Variants in CHRM5 observed in about 807,000 individuals in gnomAD.
The protein encoded by CHRM5 is muscarinic acetylcholine receptor M5.
CHRM5 carries 18 observed loss-of-function variants against 39.0 expected under a neutral mutation model. The observed-to-expected ratio is 0.46, with a 90% CI of 0.32 to 0.68. CHRM5 has a LOEUF of 0.68. Among genes scored for constraint, CHRM5 ranks in the 30% least tolerant of loss-of-function variants. CHRM5 has a pLI of 0.04. For synonymous variants in CHRM5, 241 were observed against 246.3 expected (o/e 0.98, Z 0.20); for missense variants, 515 against 651.1 (o/e 0.79, Z 2.28).
chr15:34,017,484 G>GTTTTTTTTTTTTTTTT (rs60119659), intron 1 of CHRM5, among the ~76,000 whole-genome samples: 2 of 107,340 alleles, frequency 1.9e-5, no homozygotes, highest in African/African-American at 6.3e-5. Flanking sequence ...TTTTTTTTTT[G>GTTTTTTTTTTTTTTTT]TTTTTTTTTT....
intron 1 of CHRM5, among the ~76,000 whole-genome samples, chr15:34,029,022 T>C (rs1898633467): frequency 6.6e-6 from 1 of 152,188 alleles, no homozygotes; most frequent in African/African-American, 2.4e-5. Flanking sequence ...ACAATTACTA[T>C]TTGTCCACAA....
chr15:34,053,311 A>ATAT (rs1900003279), intron 2 of CHRM5, among the ~76,000 whole-genome samples: 1 of 97,186 alleles, frequency 1.0e-5, no homozygotes, highest in African/African-American at 4.2e-5. Flanking sequence ...AAAAAAAAAA[A>ATAT]AAAAAAAAAT....
chr15:34,009,703 T>C (rs1289238739), intron 1 of CHRM5, among the ~76,000 whole-genome samples: 1 of 152,082 alleles, frequency 6.6e-6, no homozygotes, highest in Non-Finnish European at 1.5e-5. Flanking sequence ...GATATAACAA[T>C]AGGGCCAGGC....
chr15:34,034,614 AT>A (rs1440990488), intron 1 of CHRM5, among the ~76,000 whole-genome samples: 1 of 152,160 alleles, frequency 6.6e-6, no homozygotes, highest in African/African-American at 2.4e-5. Context: ...GTTTCCCAAA[AT>A]TTTTTTAGGC....
intron 2 of CHRM5, among the ~76,000 whole-genome samples, chr15:34,049,450 A>G (rs1188205449): frequency 6.6e-6 from 1 of 152,228 alleles, no homozygotes; most frequent in Non-Finnish European, 1.5e-5. Flanking sequence ...GGAAAAAAGA[A>G]TCGCAGAGTT....
At chr15:34,058,471 G>GGA (rs544211557) in intron 2 of CHRM5, among the ~76,000 whole-genome samples, 34 of 150,532 alleles carry the variant, frequency 2.3e-4, no homozygotes, top group Non-Finnish European at 4.7e-4. Context: ...TGAGAAATCA[G>GGA]GAGAGAGAGA....
intron 1 of CHRM5, among the ~76,000 whole-genome samples, chr15:34,004,636 C>T (rs891306161): frequency 2.0e-5 from 3 of 152,164 alleles, no homozygotes; most frequent in Admixed American, 1.3e-4. Context: ...AAACACTGAA[C>T]TCTTTATGGA....
chr15:34,039,712 G>A (rs577475790), intron 1 of CHRM5, among the ~76,000 whole-genome samples: 1 of 152,308 alleles, frequency 6.6e-6, no homozygotes, highest in South Asian at 2.1e-4. Flanking sequence ...CAGAATTTCT[G>A]TAGAAATGAC....
intron 1 of CHRM5, among the ~76,000 whole-genome samples, chr15:34,029,428 C>T (rs367803504): frequency 3.3e-5 from 5 of 149,906 alleles, no homozygotes; most frequent in African/African-American, 1.2e-4. Context: ...TGCCTGTAAT[C>T]CCAGCACTTT....
chr15:33,993,990 T>C (rs1456008321), intron 1 of CHRM5, among the ~76,000 whole-genome samples: 5 of 152,238 alleles, frequency 3.3e-5, no homozygotes, highest in Admixed American at 2.0e-4. Context: ...GTTGCTTCCA[T>C]CTGAGGCTCT....
At chr15:34,047,032 C>G (rs955247460) in intron 2 of CHRM5, among the ~76,000 whole-genome samples, 161 bp downstream of exon 2, 3 of 151,978 alleles carry the variant, frequency 2.0e-5, no homozygotes, top group Non-Finnish European at 4.4e-5. Flanking sequence ...CAGGCACAAA[C>G]AGAGACCTAG....
Position 34,003,174 on chromosome 15 carries a change from T to C in CHRM5, c.-408+34024T>C, listed in dbSNP as rs1259951154. The C allele has an allele frequency of 6.2e-6, 10 of 1,613,826 alleles. No homozygotes were observed. In the South Asian group the frequency reaches 9.9e-5, roughly 16 times the overall value. ...AATAATTTCCCTGTTCATCATTCTC[T>C]TCTCCATAGGTCTCTGCATCGCTGT... On this transcript the variant is annotated intron_variant, in intron 1 of 2. Coordinates refer to ENST00000383263, the MANE Select transcript of CHRM5 (RefSeq NM_012125.4).
intron 1 of CHRM5, among the ~76,000 whole-genome samples, chr15:34,034,359 T>C (rs912386608): frequency 2.0e-5 from 3 of 151,748 alleles, no homozygotes; most frequent in East Asian, 3.9e-4. Flanking sequence ...GAGGATCCCT[T>C]GAGTACAGCA....
At chr15:34,013,743 A>G (rs1245846313) in intron 1 of CHRM5, among the ~76,000 whole-genome samples, 1 of 152,112 alleles carries the variant, frequency 6.6e-6, no homozygotes, top group Non-Finnish European at 1.5e-5. Flanking sequence ...CCAATGGGGG[A>G]GAAGGGGGAA....
intron 1 of CHRM5, chr15:33,991,000 C>A (rs189745325): frequency 3.3e-5 from 5 of 152,242 alleles, no homozygotes; most frequent in Admixed American, 2.6e-4. Context: ...GTCCCTCTGG[C>A]AACTGATGAG....
Position 34,063,446 on chromosome 15 carries a change from G to A in CHRM5, c.729G>A (p.Lys243=). ...SDSVTKAEKR[K]PAHRALFRSC... is the part of the protein sequence containing the mutation. ...CTGTGACCAAAGCTGAGAAGAGAAA[G>A]CCAGCTCATAGGGCTCTGTTCAGAT... Residue 243 remains lysine (K), a synonymous_variant, in exon 3 of 3, where the codon AAG becomes AAA. Coordinates refer to ENST00000383263, the MANE Select transcript of CHRM5 (RefSeq NM_012125.4). The surrounding 1 kb of genome is among the most constrained non-coding windows in gnomAD (Gnocchi z 4.1). 2 of 1,613,826 alleles carry A rather than the reference G, an allele frequency of 1.2e-6. No homozygotes were observed. The highest frequency in any genetic ancestry group is 1.3e-5 in the African/African-American group (1 of 75,044).
intron 1 of CHRM5, among the ~76,000 whole-genome samples, chr15:33,980,950 T>G (rs1175785641): frequency 6.6e-6 from 1 of 152,150 alleles, no homozygotes; most frequent in Non-Finnish European, 1.5e-5. Flanking sequence ...AAGATTAACA[T>G]AGGATTCAGA....
In CHRM5 at chr15:34,051,802, C is replaced by T. The variant is rs540172154; in HGVS notation, c.-76+4931C>T. Among the ~76,000 whole-genome samples, 144 of 152,104 alleles carry T rather than the reference C, an allele frequency of 9.5e-4. 1 individual carries two copies. In the Middle Eastern group the frequency reaches 0.024, roughly 25 times the overall value. On this transcript the variant is annotated intron_variant, in intron 2 of 2. Transcript: ENST00000383263. ...AGACTGAACCAAGAAGAAACTGAAT[C>T]CCTTAATAGACCAATAATGAGTTCT...
intron 1 of CHRM5, among the ~76,000 whole-genome samples, chr15:34,036,717 A>C (rs568403037): frequency 1.3e-5 from 2 of 152,292 alleles, no homozygotes; most frequent in East Asian, 3.9e-4. Context: ...GATAAGACCA[A>C]CTCGACAAAA....
Sources: allele counts gnomAD v4.1 joint callset (sites outside exome capture counted in the v4.1 genomes callset), GRCh38; gene constraint gnomAD v4.1.1; non-coding constraint Gnocchi (gnomAD v3.1); transcripts MANE v1.5; gene names NCBI Gene and HGNC (gene_info 2026-07-23, HGNC 2026-07-21).